ARHGAP44: variants seen among roughly 807,000 people sequenced by gnomAD.
The protein encoded by ARHGAP44 is rho GTPase-activating protein 44.
Under a neutral mutation model 106.8 loss-of-function variants are expected in ARHGAP44, and 43 were observed. The observed-to-expected ratio is 0.40, with a 90% CI of 0.32 to 0.52. The LOEUF (loss-of-function observed/expected upper bound fraction) is 0.52. Among genes scored for constraint, ARHGAP44 ranks in the 20% least tolerant of loss-of-function variants. The pLI, the probability that ARHGAP44 is intolerant of heterozygous loss-of-function variation, is 0.48. For synonymous variants in ARHGAP44, 439 were observed against 410.3 expected (o/e 1.07, Z -0.85); for missense variants, 866 against 1,050.5 (o/e 0.82, Z 2.43).
intron 7 of ARHGAP44, among the ~76,000 whole-genome samples, chr17:12,933,911 C>G (rs1050752629): frequency 6.6e-6 from 1 of 150,534 alleles, no homozygotes; most frequent in East Asian, 2.0e-4. Flanking sequence ...TGTGGTGGCA[C>G]GATCTCGGCT....
chr17:12,890,147 A>G (rs1316146317), intron 1 of ARHGAP44, among the ~76,000 whole-genome samples: 1 of 151,456 alleles, frequency 6.6e-6, no homozygotes, highest in African/African-American at 2.4e-5. Flanking sequence ...CTTAGTGAGT[A>G]CTCTCTACAG....
intron 3 of ARHGAP44, among the ~76,000 whole-genome samples, chr17:12,905,864 G>A (rs1302686255): frequency 6.6e-6 from 1 of 152,210 alleles, no homozygotes; most frequent in East Asian, 1.9e-4. Context: ...CGTACCATCT[G>A]ACATTCAAGA....
intron 10 of ARHGAP44, among the ~76,000 whole-genome samples, chr17:12,946,635 C>G (rs1231260586): frequency 6.6e-6 from 1 of 151,888 alleles, no homozygotes; most frequent in Non-Finnish European, 1.5e-5. Flanking sequence ...CCCGTCTCTA[C>G]TAAAAATACA....
chr17:12,805,940 G>A (rs766302611), intron 1 of ARHGAP44, among the ~76,000 whole-genome samples: 6 of 152,172 alleles, frequency 3.9e-5, no homozygotes, highest in Non-Finnish European at 7.4e-5. Flanking sequence ...TCATTGATTA[G>A]CCATTGCATG....
At chr17:12,862,764 G>A (rs1429123437) in intron 1 of ARHGAP44, among the ~76,000 whole-genome samples, 3 of 152,122 alleles carry the variant, frequency 2.0e-5, no homozygotes, top group African/African-American at 4.8e-5. Context: ...GGAGGCTGAG[G>A]TGGCAGGATC....
At chr17:12,915,772 G>T in intron 4 of ARHGAP44, 128 bp from the exon 5 acceptor site, 1 of 726,302 alleles carries the variant, frequency 1.4e-6, no homozygotes. Flanking sequence ...GGAAGCCATG[G>T]AGATCAGCCA....
At chr17:12,900,413 C>T (rs1251652842) in intron 3 of ARHGAP44, among the ~76,000 whole-genome samples, 3 of 151,936 alleles carry the variant, frequency 2.0e-5, no homozygotes, top group Non-Finnish European at 4.4e-5. Flanking sequence ...AGGCGTGAGC[C>T]ACCACACCCG....
At chr17:12,862,122 A>G (rs934669547) in intron 1 of ARHGAP44, among the ~76,000 whole-genome samples, 5 of 152,146 alleles carry the variant, frequency 3.3e-5, no homozygotes, top group Non-Finnish European at 7.4e-5. Flanking sequence ...TGTCTACTAC[A>G]GTCAGTGAGA....
intron 1 of ARHGAP44, among the ~76,000 whole-genome samples, chr17:12,868,446 C>T (rs8070562): frequency 0.22 from 32,650 of 151,078 alleles, 3,829 homozygotes; most frequent in African/African-American, 0.3. Context: ...CAAATAAAAC[C>T]AAAACCACCA....
chr17:12,869,575 A>C (rs1253251744), intron 1 of ARHGAP44, among the ~76,000 whole-genome samples: 1 of 151,780 alleles, frequency 6.6e-6, no homozygotes, highest in East Asian at 1.9e-4. Flanking sequence ...CATCTCCACA[A>C]CTCTTTCCGT....
chr17:12,845,189 A>ACATGCTGTGTGTT (rs1362067603), intron 1 of ARHGAP44, among the ~76,000 whole-genome samples: 1 of 149,508 alleles, frequency 6.7e-6, no homozygotes, highest in East Asian at 2.0e-4. Flanking sequence ...TCACTTTATG[A>ACATGCTGTGTGTT]CATTCTGTGT....
intron 5 of ARHGAP44, among the ~76,000 whole-genome samples, chr17:12,919,418 C>T: frequency 6.8e-6 from 1 of 146,816 alleles, no homozygotes. Context: ...CGGAGTCTCG[C>T]TCTGTCACAC....
chr17:12,863,929 G>A (rs1035206824), intron 1 of ARHGAP44, among the ~76,000 whole-genome samples: 2 of 152,202 alleles, frequency 1.3e-5, no homozygotes, highest in African/African-American at 4.8e-5. Flanking sequence ...GTCCATCTGT[G>A]CTGGCCATCA....
chr17:12,923,735 A>G (rs1472951909), intron 6 of ARHGAP44, among the ~76,000 whole-genome samples: 1 of 152,188 alleles, frequency 6.6e-6, no homozygotes, highest in African/African-American at 2.4e-5. Flanking sequence ...TTCTAGCCTG[A>G]GTCTACCTGT....
chr17:12,817,168 G>A (rs2034622375), intron 1 of ARHGAP44, among the ~76,000 whole-genome samples: 1 of 152,000 alleles, frequency 6.6e-6, no homozygotes, highest in African/African-American at 2.4e-5. Context: ...TAATCCATAG[G>A]TGAAAAGAGG....
At chr17:12,931,582 C>T (rs888431865) in intron 7 of ARHGAP44, among the ~76,000 whole-genome samples, 4 of 150,774 alleles carry the variant, frequency 2.7e-5, no homozygotes, top group African/African-American at 7.3e-5. Flanking sequence ...CTGCAAGCTC[C>T]GCCTCCCGGG....
chr17:12,940,433 A>C (rs1224029275), intron 7 of ARHGAP44, among the ~76,000 whole-genome samples: 2 of 152,222 alleles, frequency 1.3e-5, no homozygotes, highest in Non-Finnish European at 2.9e-5. Context: ...GCATTGGGTC[A>C]CCCAATCTCA....
intron 1 of ARHGAP44, among the ~76,000 whole-genome samples, chr17:12,800,144 A>G (rs1478870285): frequency 6.6e-6 from 1 of 152,234 alleles, no homozygotes; most frequent in Non-Finnish European, 1.5e-5. Flanking sequence ...TGCCGTGCTG[A>G]AAGTGTCTTT....
At chr17:12,834,930 C>T (rs1457472028) in intron 1 of ARHGAP44, among the ~76,000 whole-genome samples, 1 of 152,130 alleles carries the variant, frequency 6.6e-6, no homozygotes, top group Non-Finnish European at 1.5e-5. Flanking sequence ...GTACAGCTTA[C>T]TCTAATCATT....
Sources: allele counts gnomAD v4.1 joint callset (sites outside exome capture counted in the v4.1 genomes callset), GRCh38; gene constraint gnomAD v4.1.1; transcripts MANE v1.5; gene names NCBI Gene and HGNC (gene_info 2026-07-23, HGNC 2026-07-21).